RNF126: variants seen among roughly 807,000 people sequenced by gnomAD.
RNF126 encodes the protein E3 ubiquitin-protein ligase RNF126.
A neutral mutation model predicts 41.9 loss-of-function variants in RNF126; 20 were observed. The observed-to-expected ratio is 0.48, with a 90% CI of 0.34 to 0.69. The LOEUF is 0.69. Ranked by LOEUF, RNF126 falls within the 30% of genes least tolerant of loss-of-function variation. The pLI, the probability that RNF126 is intolerant of heterozygous loss-of-function variation, is 0.01. For missense variants in RNF126, 433 were observed against 460.6 expected, an observed-to-expected ratio of 0.94 and a Z score of 0.55; for synonymous variants, 239 against 202.9, an observed-to-expected ratio of 1.18 and a Z score of -1.51.
At position 649,739 on chromosome 19, in the gene RNF126, C is replaced by T. The variant is rs201030575; in HGVS notation, c.516G>A (p.Leu172=). The change falls in exon 6 of 9, where the codon CTG becomes CTA. Residue 172 remains leucine, a synonymous_variant. Coordinates refer to ENST00000292363, the MANE Select transcript of RNF126 (RefSeq NM_194460.3). ...TIPSLGPWGV[L]HSNPMDYAWG... ...AGGCGTAGTCCATAGGGTTTGAGTG[C>T]AGGACTCCCCTGGAGGTGGAAGGTG... is the stretch of plus-strand genomic sequence containing the variant. 6 of 1,566,700 alleles carry T rather than the reference C, an allele frequency of 3.8e-6. No individual in the cohort carries two copies. Among genetic ancestry groups the T allele is most frequent in the Non-Finnish European group, 5.2e-6 (6 of 1,154,162 alleles).
chr19:659,150 C>G lies in RNF126; in HGVS notation c.75+3897G>C, dbSNP rs1600642363. Among the ~76,000 whole-genome samples, 1 of 152,270 alleles carries G rather than the reference C, an allele frequency of 6.6e-6. No homozygotes were observed. Among genetic ancestry groups the G allele is most frequent in the East Asian group, 1.9e-4 (1 of 5,184 alleles). Reference sequence around the variant, plus strand: ...AGAGGCAGGGGCAGGCTGTCACTGTCACGGTATCTGGCACAACCGCAGACA... The same window carrying G: ...AGAGGCAGGGGCAGGCTGTCACTGTGACGGTATCTGGCACAACCGCAGACA... On this transcript the variant is annotated intron_variant, in intron 1 of 8. Transcript: ENST00000292363. The surrounding 1 kb of genome is among the most constrained non-coding windows in gnomAD (Gnocchi z 4.9).
chr19:649,015 G>T, intron 6 of RNF126, 40 bp from the exon 7 acceptor site: 1 of 1,044,728 alleles, frequency 9.6e-7, no homozygotes, highest in Non-Finnish European at 1.3e-6. Flanking sequence ...GCTCCTCGGG[G>T]GCCCGGCCCG....
At chr19:652,645 C>T (rs991006175) in intron 2 of RNF126, 181 bp downstream of exon 2, 52 of 633,556 alleles carry the variant, frequency 8.2e-5, no homozygotes, top group Non-Finnish European at 1.2e-4. Context: ...GGCCCCGGCC[C>T]GGCCATCACA....
At chr19:656,691 C>T (rs1466902674) in intron 1 of RNF126, among the ~76,000 whole-genome samples, 2 of 152,138 alleles carry the variant, frequency 1.3e-5, no homozygotes, top group Non-Finnish European at 2.9e-5. Context: ...AAGCAGCCAA[C>T]GACCACCACT....
rs1410561225 is a variant in RNF126 at position 649,713 on chromosome 19, C to A, written c.542G>T (p.Trp181Leu). ...GATGGCATCCAGGCCGTTGGCCCCC[C>A]AGGCGTAGTCCATAGGGTTTGAGTG... ...VLHSNPMDYAWGANGLDAIIT... is the reference protein window; with the variant it reads ...VLHSNPMDYALGANGLDAIIT... Residue 181 changes from tryptophan (W) to leucine (L), a missense_variant, in exon 6 of 9, where the codon TGG (tryptophan) becomes TTG (leucine). Physicochemically the swap from Trp to Leu is moderately conservative, Grantham distance 61. Transcript: ENST00000292363. 1 of 1,571,070 alleles carries A rather than the reference C, an allele frequency of 6.4e-7. No homozygotes were observed. Among genetic ancestry groups the A allele is most frequent in the Non-Finnish European group, 8.6e-7 (1 of 1,156,300 alleles).
At chr19:648,351 G>GT in intron 8 of RNF126, 21 bp downstream of exon 8, 1 of 574,398 alleles carries the variant, frequency 1.7e-6, no homozygotes, top group Non-Finnish European at 2.9e-6. Flanking sequence ...GGGTGGGGGG[G>GT]CGGGTGGGCG....
At chr19:651,410 C>T (rs987721022) in intron 4 of RNF126, 4 of 471,558 alleles carry the variant, frequency 8.5e-6, no homozygotes, top group Admixed American at 4.5e-5. Flanking sequence ...GTGGTCAACC[C>T]ACACACCCTG....
chr19:649,812 CCA>C (rs2030183580), intron 5 of RNF126, 64 bp from the exon 6 acceptor site: 1 of 1,338,280 alleles, frequency 7.5e-7, no homozygotes, highest in African/African-American at 1.5e-5. Flanking sequence ...TCTATCCACC[CCA>C]CTCACCAGGG....
intron 2 of RNF126, chr19:652,518 A>G: frequency 1.7e-6 from 1 of 603,042 alleles, no homozygotes; most frequent in South Asian, 2.1e-5. Flanking sequence ...CAGCCTCCTA[A>G]GCGTGAGAAT....
Position 648,364 on chromosome 19 carries a change from G to GGGCGCCGCCCCC in RNF126, c.786+7_786+8insGGGGGCGGCGCC. Reference sequence around the variant, plus strand: ...CGGGGTGGGGGGGCGGGTGGGCGGGGCACTCACCTGCTCCAGCCAGGGCAC... The same window carrying GGGCGCCGCCCCC: ...CGGGGTGGGGGGGCGGGTGGGCGGGGGGCGCCGCCCCCCACTCACCTGCTCCAGCCAGGGCAC... On this transcript the variant is annotated splice_region_variant and intron_variant, in intron 8 of 8. Coordinates refer to ENST00000292363, the MANE Select transcript of RNF126 (RefSeq NM_194460.3). 1 of 510,498 alleles carries GGGCGCCGCCCCC rather than the reference G, an allele frequency of 2.0e-6. No homozygotes were observed. Among genetic ancestry groups the GGGCGCCGCCCCC allele is most frequent in the Non-Finnish European group, 3.6e-6 (1 of 278,364 alleles). 31.6% of individuals were successfully genotyped at this position (510,498 alleles called of 1,614,324 possible). A position where few individuals can be genotyped will look rare whatever the true frequency, so the allele number is the denominator to read the frequency against.
At chr19:660,084 G>A (rs1279956415) in intron 1 of RNF126, among the ~76,000 whole-genome samples, 1 of 152,218 alleles carries the variant, frequency 6.6e-6, no homozygotes, top group Non-Finnish European at 1.5e-5. Context: ...CCTTTCATGG[G>A]GGCAACTGCT....
intron 3 of RNF126, 24 bp downstream of exon 3, chr19:652,209 A>T (rs778693521): frequency 6.6e-7 from 1 of 1,507,790 alleles, no homozygotes; most frequent in Non-Finnish European, 8.8e-7. Flanking sequence ...CACGATCGGG[A>T]AGCACGAGGG....
At chr19:655,097 G>A (rs1180573225) in intron 1 of RNF126, among the ~76,000 whole-genome samples, 1 of 152,122 alleles carries the variant, frequency 6.6e-6, no homozygotes, top group South Asian at 2.1e-4. Flanking sequence ...ACCATTTGAG[G>A]TCAGGAGCTT....
At chr19:660,118 GCCC>G (rs1425284521) in intron 1 of RNF126, among the ~76,000 whole-genome samples, 5 of 152,222 alleles carry the variant, frequency 3.3e-5, no homozygotes, top group Non-Finnish European at 7.3e-5. Flanking sequence ...CGTCGCCTGA[GCCC>G]CCGACCGCAA....
intron 1 of RNF126, among the ~76,000 whole-genome samples, chr19:662,082 G>A (rs537616639): frequency 5.3e-5 from 8 of 152,178 alleles, no homozygotes; most frequent in African/African-American, 1.9e-4. Context: ...GTTTTGGGAG[G>A]CTGAGCCAGA....
At chr19:658,614 CA>C (rs546169744) in intron 1 of RNF126, among the ~76,000 whole-genome samples, 196 of 152,328 alleles carry the variant, frequency 1.3e-3, no homozygotes, top group Admixed American at 3.9e-3. Context: ...TTCCCGCCCT[CA>C]GCAGCTGCCA....
chr19:650,571 C>A, intron 4 of RNF126: 1 of 316,500 alleles, frequency 3.2e-6, no homozygotes, highest in Non-Finnish European at 5.7e-6. Flanking sequence ...AAGAGGTCCA[C>A]CACTCTCGGC....
At chr19:652,730 C>A in intron 2 of RNF126, 96 bp downstream of exon 2, 1 of 1,155,640 alleles carries the variant, frequency 8.7e-7, no homozygotes, top group Non-Finnish European at 1.3e-6. Flanking sequence ...CTGACGGCCC[C>A]ACACTCGGCG....
chr19:649,352 C>T lies in RNF126; in HGVS notation c.576+327G>A, dbSNP rs2030156515. 1.3e-5 allele frequency: 5 copies of T among 377,754 alleles called. No homozygotes were observed. In the South Asian group the frequency reaches 2.0e-4, roughly 15 times the overall value. The allele number at this position is 377,754 out of a possible 1,614,324, so 23.4% of individuals were successfully genotyped here. ...CAAGGGCTCCTCAGCAAGGCTGAGACGGGTGGCACTTGGAAGCAGGTCAGG... is the reference window on the plus strand; with the variant it reads ...CAAGGGCTCCTCAGCAAGGCTGAGATGGGTGGCACTTGGAAGCAGGTCAGG... On this transcript the variant is annotated intron_variant, in intron 6 of 8. Coordinates refer to ENST00000292363, the MANE Select transcript of RNF126 (RefSeq NM_194460.3).
Sources: gnomAD v4.1 joint callset for allele counts (sites outside exome capture counted in the v4.1 genomes callset) on GRCh38, gnomAD v4.1.1 for gene constraint, Gnocchi (gnomAD v3.1) non-coding constraint, MANE v1.5 for transcripts, NCBI Gene and HGNC (gene_info 2026-07-23, HGNC 2026-07-21) for gene names.